Variants in RMND1 observed in about 807,000 individuals in gnomAD.
The protein encoded by RMND1 is required for meiotic nuclear division protein 1 homolog.
RMND1 carries 41 observed loss-of-function variants against 54.0 expected under a neutral mutation model. That is an observed-to-expected ratio of 0.76 (90% confidence interval 0.59 to 0.98). The LOEUF (loss-of-function observed/expected upper bound fraction) is 0.98, where lower values mean the gene tolerates loss of function less well. Among genes scored for constraint, RMND1 ranks in the 50% least tolerant of loss-of-function variants. The pLI is 0.00. For synonymous variants in RMND1, 183 were observed against 181.7 expected, an observed-to-expected ratio of 1.01 and a Z score of -0.06; for missense variants, 457 against 532.0, an observed-to-expected ratio of 0.86 and a Z score of 1.39.
At chr6:151,412,020 C>CT (rs773083725) in intron 10 of RMND1, 31 of 151,670 alleles carry the variant, frequency 2.0e-4, no homozygotes, top group East Asian at 1.7e-3. Flanking sequence ...AATAACTTGC[C>CT]TTTTTTTTTC....
At position 151,445,836 on chromosome 6, in the gene RMND1, A is replaced by T; in HGVS notation, c.-14-11T>A. 1.3e-6 allele frequency: 2 copies of T among 1,537,998 alleles called. No individual in the cohort carries two copies. Among genetic ancestry groups the T allele is most frequent in the Non-Finnish European group, 1.7e-6 (2 of 1,145,808 alleles). ...TTACCACATCCCAAGCTAAAAGAAA[A>T]GGAATTCAAAGTTCAAGTTTTTAAA... On this transcript the variant is annotated splice_polypyrimidine_tract_variant and intron_variant, in intron 1 of 11. Transcript: ENST00000444024.
chr6:151,440,898 TAC>T (rs916276192), intron 2 of RMND1, among the ~76,000 whole-genome samples: 48 of 152,316 alleles, frequency 3.2e-4, no homozygotes, highest in African/African-American at 1.0e-3. Flanking sequence ...TCTGGATTTT[TAC>T]AGTGAATCCT....
chr6:151,427,956 G>A (rs1325210854), intron 5 of RMND1, among the ~76,000 whole-genome samples: 4 of 151,926 alleles, frequency 2.6e-5, no homozygotes, highest in African/African-American at 7.3e-5. Context: ...CCTGGGCAAC[G>A]TGGCAAAATC....
intron 9 of RMND1, among the ~76,000 whole-genome samples, chr6:151,419,473 G>A (rs765354171): frequency 2.6e-5 from 4 of 151,890 alleles, no homozygotes; most frequent in African/African-American, 4.8e-5. Context: ...CTAGGGAGGA[G>A]GATTGCTTGA....
At chr6:151,429,022 C>G (rs1179279153) in intron 5 of RMND1, among the ~76,000 whole-genome samples, 1 of 151,992 alleles carries the variant, frequency 6.6e-6, no homozygotes, top group Non-Finnish European at 1.5e-5. Flanking sequence ...GTTCCCTTCC[C>G]GACCACCTAC....
intron 4 of RMND1, 98 bp downstream of exon 4, chr6:151,433,057 C>G: frequency 1.6e-6 from 1 of 628,768 alleles, no homozygotes; most frequent in Non-Finnish European, 2.8e-6. Context: ...ACATTTTGAA[C>G]ACATTTACTG....
chr6:151,423,928 A>G (rs960917872), intron 6 of RMND1, among the ~76,000 whole-genome samples: 17 of 151,656 alleles, frequency 1.1e-4, no homozygotes, highest in African/African-American at 4.1e-4. Context: ...GCTCACTGCA[A>G]CCTCAGTCTC....
chr6:151,418,140 A>G (rs977490402), intron 9 of RMND1, among the ~76,000 whole-genome samples: 10 of 152,012 alleles, frequency 6.6e-5, no homozygotes, highest in African/African-American at 2.4e-4. Context: ...AGGGCCAGGC[A>G]TGGTGGTTCA....
intron 2 of RMND1, among the ~76,000 whole-genome samples, chr6:151,441,117 A>G (rs967289802): frequency 6.6e-6 from 1 of 152,368 alleles, no homozygotes; most frequent in South Asian, 2.1e-4. Flanking sequence ...TGGCCAAAGA[A>G]GACATGTTCC....
chr6:151,406,655 G>A (rs1779632639), intron 10 of RMND1, among the ~76,000 whole-genome samples: 3 of 152,116 alleles, frequency 2.0e-5, no homozygotes, highest in African/African-American at 7.2e-5. Context: ...AGGCCTGGAT[G>A]TGATAACTGT....
chr6:151,405,758 G>A lies in RMND1; in HGVS notation c.1279C>T (p.Arg427Cys), dbSNP rs1396720060. The change falls in exon 11 of 12, where the codon CGC becomes TGC. Residue 427 changes from arginine to cysteine, a missense_variant. Arg to Cys is a radical substitution (Grantham distance 180, BLOSUM62 -3). Coordinates refer to ENST00000444024, the MANE Select transcript of RMND1 (RefSeq NM_017909.4). ...AGGATGACAATCATCCACTCCAAGC[G>A]GAGTGCCCTCTTCTCATTCAGGTGA... ...RNHLNEKRAL[R>C]LEWMIVILIT... 8 of 1,606,508 alleles carry A rather than the reference G, an allele frequency of 5.0e-6. No homozygotes were observed. Among genetic ancestry groups the A allele is most frequent in the Admixed American group, 1.7e-5 (1 of 59,960 alleles).
intron 10 of RMND1, among the ~76,000 whole-genome samples, chr6:151,406,630 G>A (rs995472615): frequency 6.6e-6 from 1 of 152,106 alleles, no homozygotes; most frequent in African/African-American, 2.4e-5. Context: ...GATTACAGGC[G>A]TGAGCCACCG....
chr6:151,427,552 G>C lies in RMND1; in HGVS notation c.760C>G (p.His254Asp). 1 of 1,611,434 alleles carries C rather than the reference G, an allele frequency of 6.2e-7. No homozygotes were observed. The highest frequency in any genetic ancestry group is 8.5e-7 in the Non-Finnish European group (1 of 1,178,036). The change falls in exon 6 of 12, where the codon CAT (histidine) becomes GAT (aspartate). Residue 254 changes from histidine (H) to aspartate (D), a missense_variant. His to Asp is a moderately conservative substitution (Grantham distance 81, BLOSUM62 -1). Transcript: ENST00000444024. ...MKHVMKVLEK[H>D]EIQPYEIALV... is the part of the protein sequence containing the mutation. ...GCGATTTCATAGGGCTGAATTTCATGTTTTTCTAGAACTTTCATCACATGC... is the reference window on the plus strand; with the variant it reads ...GCGATTTCATAGGGCTGAATTTCATCTTTTTCTAGAACTTTCATCACATGC...
intron 6 of RMND1, among the ~76,000 whole-genome samples, chr6:151,424,463 C>CAA (rs35635686): frequency 2.5e-4 from 26 of 103,494 alleles, no homozygotes; most frequent in East Asian, 7.6e-4. Context: ...ACTCTGTCTC[C>CAA]AAAAAAAAAA....
chr6:151,412,208 G>A (rs1052876682), intron 10 of RMND1, among the ~76,000 whole-genome samples: 9 of 152,174 alleles, frequency 5.9e-5, no homozygotes, highest in African/African-American at 2.2e-4. Context: ...CACCATGTTA[G>A]CCACGCTGGC....
chr6:151,427,300 C>T (rs1197939327), intron 6 of RMND1, among the ~76,000 whole-genome samples, 182 bp downstream of exon 6: 5 of 151,402 alleles, frequency 3.3e-5, no homozygotes, highest in African/African-American at 1.2e-4. Context: ...TGCTTGAACC[C>T]GGGAGGCAGA....
chr6:151,425,562 A>G (rs534635028), intron 6 of RMND1, among the ~76,000 whole-genome samples: 11 of 152,296 alleles, frequency 7.2e-5, no homozygotes, highest in Admixed American at 2.0e-4. Flanking sequence ...AGAACACAGA[A>G]AGGGGATTCA....
At chr6:151,429,482 A>T (rs765187816) in intron 5 of RMND1, among the ~76,000 whole-genome samples, 2 of 152,060 alleles carry the variant, frequency 1.3e-5, no homozygotes, top group East Asian at 1.9e-4. Context: ...AGAAATAGAT[A>T]TTTTTTTACA....
intron 1 of RMND1, among the ~76,000 whole-genome samples, chr6:151,447,484 A>C (rs1423482208): frequency 6.6e-6 from 1 of 152,194 alleles, no homozygotes; most frequent in Non-Finnish European, 1.5e-5. Context: ...CACCGTTAAG[A>C]AGCTGCAGAG....
Sources: gnomAD v4.1 joint callset for allele counts (sites outside exome capture counted in the v4.1 genomes callset) on GRCh38, gnomAD v4.1.1 for gene constraint, MANE v1.5 for transcripts, NCBI Gene and HGNC (gene_info 2026-07-23, HGNC 2026-07-21) for gene names.